DNAH14: variants seen among roughly 807,000 people sequenced by gnomAD.
DNAH14 encodes the protein axonemal beta dynein heavy chain 14.
DNAH14 carries 478 observed loss-of-function variants against 520.9 expected under a neutral mutation model. The ratio of observed to expected loss-of-function variants is 0.92; its 90% confidence interval spans 0.85 to 0.99. The LOEUF (loss-of-function observed/expected upper bound fraction) is 0.99, where lower values mean the gene tolerates loss of function less well. Ranked by LOEUF, DNAH14 falls within the 50% of genes least tolerant of loss-of-function variation. The pLI is 0.00. For synonymous variants in DNAH14, 1,581 were observed against 1,757.2 expected, an observed-to-expected ratio of 0.90 and a Z score of 2.51; for missense variants, 4,831 against 5,234.5, an observed-to-expected ratio of 0.92 and a Z score of 2.38.
chr1:225,082,171 G>GGTGTGTGTGT (rs56658194), intron 19 of DNAH14, among the ~76,000 whole-genome samples: 2,421 of 145,268 alleles, frequency 0.017, 25 homozygotes, highest in African/African-American at 0.02. Context: ...GAATGTTTGT[G>GGTGTGTGTGT]GTGTGTGTGT....
At chr1:225,140,381 T>C (rs986694965) in intron 27 of DNAH14, among the ~76,000 whole-genome samples, 2 of 152,180 alleles carry the variant, frequency 1.3e-5, no homozygotes, top group Non-Finnish European at 2.9e-5. Context: ...CTGTAAACTT[T>C]CTGAAAACTA....
chr1:225,088,243 C>G (rs963931100), intron 21 of DNAH14, among the ~76,000 whole-genome samples: 1 of 152,022 alleles, frequency 6.6e-6, no homozygotes, highest in Non-Finnish European at 1.5e-5. Flanking sequence ...TGAACTGACA[C>G]AGTTATTAAA....
At chr1:225,020,165 G>A (rs1187898277) in intron 10 of DNAH14, among the ~76,000 whole-genome samples, 1 of 151,696 alleles carries the variant, frequency 6.6e-6, no homozygotes, top group East Asian at 1.9e-4. Flanking sequence ...AATCAGAAAT[G>A]ACAAAGGTGG....
intron 23 of DNAH14, among the ~76,000 whole-genome samples, chr1:225,106,624 T>C (rs2076070851): frequency 6.6e-6 from 1 of 152,200 alleles, no homozygotes; most frequent in Non-Finnish European, 1.5e-5. Context: ...CTTCATTTCA[T>C]TCATTTGATC....
At chr1:225,170,927 C>T (rs2082567412) in intron 36 of DNAH14, among the ~76,000 whole-genome samples, 1 of 152,202 alleles carries the variant, frequency 6.6e-6, no homozygotes, top group Non-Finnish European at 1.5e-5. Flanking sequence ...GTCTCTCAGA[C>T]CACAGTGCAA....
At chr1:225,391,276 T>C (rs1220728590) in intron 83 of DNAH14, among the ~76,000 whole-genome samples, 1 of 151,904 alleles carries the variant, frequency 6.6e-6, no homozygotes, top group East Asian at 1.9e-4. Flanking sequence ...CAGGGGTACA[T>C]TGGAGAAGAA....
intron 27 of DNAH14, among the ~76,000 whole-genome samples, chr1:225,139,164 C>T (rs1029907603): frequency 1.3e-5 from 2 of 152,098 alleles, no homozygotes; most frequent in African/African-American, 4.8e-5. Flanking sequence ...TTGAAAATAT[C>T]CACAGATCTT....
intron 1 of DNAH14, among the ~76,000 whole-genome samples, chr1:224,951,237 G>A (rs1332048527): frequency 1.3e-5 from 2 of 152,072 alleles, no homozygotes; most frequent in Admixed American, 6.6e-5. Context: ...TCTTGCCTAA[G>A]CTGGTCTCGA....
intron 11 of DNAH14, among the ~76,000 whole-genome samples, chr1:225,027,560 T>TA (rs2066213744): frequency 6.6e-6 from 1 of 152,100 alleles, no homozygotes; most frequent in African/African-American, 2.4e-5. Context: ...TCAGGAAACT[T>TA]ACAATAATGG....
At chr1:225,357,528 A>C (rs2095443702) in intron 73 of DNAH14, among the ~76,000 whole-genome samples, 1 of 152,186 alleles carries the variant, frequency 6.6e-6, no homozygotes, top group African/African-American at 2.4e-5. Flanking sequence ...CTGTCTCACT[A>C]ACTGGGTATT....
At chr1:225,349,637 A>T (rs2150453372) in intron 71 of DNAH14, among the ~76,000 whole-genome samples, 1 of 152,284 alleles carries the variant, frequency 6.6e-6, no homozygotes, top group Non-Finnish European at 1.5e-5. Flanking sequence ...AACCAAAGAG[A>T]GTAGGAGTGG....
intron 80 of DNAH14, 134 bp from the exon 81 acceptor site, chr1:225,381,249 T>C (rs1575120378): frequency 1.2e-6 from 1 of 864,652 alleles, no homozygotes; most frequent in Non-Finnish European, 1.8e-6. Flanking sequence ...CTATCTGACC[T>C]TCTACAGAAA....
intron 27 of DNAH14, among the ~76,000 whole-genome samples, chr1:225,130,348 T>C (rs2078255979): frequency 6.6e-6 from 1 of 152,110 alleles, no homozygotes; most frequent in African/African-American, 2.4e-5. Context: ...TAAATCATGC[T>C]GCTATAAAGA....
At position 225,381,340 on chromosome 1, in the gene DNAH14, T is replaced by TAAAA. The variant is rs1244939755; in HGVS notation, c.12881-41_12881-40insAAAA. Reference sequence around the variant, plus strand: ...AGTCCCTCCATGTAAAGCCTCTTTTTAATCTGTAAAATATCAAAATTTTAT... The same window carrying TAAAA: ...AGTCCCTCCATGTAAAGCCTCTTTTTAAAAAATCTGTAAAATATCAAAATTTTAT... On this transcript the variant is annotated intron_variant, in intron 80 of 85. Transcript: ENST00000682510. The TAAAA allele has an allele frequency of 2.0e-6, 3 of 1,510,262 alleles. No homozygotes were observed. In the African/African-American group the frequency reaches 4.3e-5, roughly 21 times the overall value. 93.6% of individuals were successfully genotyped at this position (1,510,262 alleles called of 1,614,324 possible). A position where few individuals can be genotyped will look rare whatever the true frequency, so the allele number is the denominator to read the frequency against.
intron 8 of DNAH14, among the ~76,000 whole-genome samples, chr1:224,991,119 G>T: frequency 9.5e-6 from 1 of 105,000 alleles, no homozygotes; most frequent in Non-Finnish European, 1.8e-5. Flanking sequence ...TTTTGAGACG[G>T]AGTCTTCCTC....
intron 1 of DNAH14, among the ~76,000 whole-genome samples, chr1:224,943,043 C>G (rs1208555194): frequency 6.6e-6 from 1 of 152,316 alleles, no homozygotes; most frequent in East Asian, 1.9e-4. Flanking sequence ...AGGATTCCCT[C>G]TTTTTCAATT....
At chr1:225,376,405 C>A (rs2095701999) in intron 78 of DNAH14, among the ~76,000 whole-genome samples, 1 of 151,786 alleles carries the variant, frequency 6.6e-6, no homozygotes, top group Non-Finnish European at 1.5e-5. Flanking sequence ...CCAGCCTGGG[C>A]GACAGAGCAA....
At position 225,318,605 on chromosome 1, in the gene DNAH14, G is replaced by C. The variant is rs2094506889; in HGVS notation, c.9263G>C (p.Ser3088Thr). The change falls in exon 61 of 86, where the codon AGT (serine) becomes ACT (threonine). Residue 3088 changes from serine (S) to threonine (T), a missense_variant. Coordinates refer to ENST00000682510, the MANE Select transcript of DNAH14 (RefSeq NM_001367479.1). The stretch of plus-strand genomic sequence containing the variant: ...CAGAAAACTGCCAATGAACTAAAAA[G>C]TGTGCTGCCAGCCTTTGACAAGGCA... ...YAQKTANELKSVLPAFDKAIV... is the reference protein window; with the variant it reads ...YAQKTANELKTVLPAFDKAIV... 1.9e-6 allele frequency: 3 copies of C among 1,548,210 alleles called. No individual in the cohort carries two copies. Among genetic ancestry groups the C allele is most frequent in the Non-Finnish European group, 2.6e-6 (3 of 1,145,222 alleles).
rs1348400259 is a variant in DNAH14, at chr1:225,224,113, A to T, written c.6440-6960A>T. On this transcript the variant is annotated intron_variant, in intron 41 of 85. Transcript: ENST00000682510. ...CTTACACACTTTAAATGATTATCAG[A>T]CATTACTGGGTGATATTAATTGGCT... Among the ~76,000 whole-genome samples, 5 of 152,132 alleles carry T rather than the reference A, an allele frequency of 3.3e-5. No homozygotes were observed. In the East Asian group the frequency reaches 9.6e-4, roughly 29 times the overall value.
Sources: gnomAD v4.1 joint callset for allele counts (sites outside exome capture counted in the v4.1 genomes callset) on GRCh38, gnomAD v4.1.1 for gene constraint, MANE v1.5 for transcripts, NCBI Gene and HGNC (gene_info 2026-07-23, HGNC 2026-07-21) for gene names.